GSG1L: variants seen among roughly 807,000 people sequenced by gnomAD.
The protein encoded by GSG1L is GSG1 like, also known as germ cell-specific gene 1-like protein.
In GSG1L, 24 loss-of-function variants were observed where a neutral mutation model predicts 42.1. That is an observed-to-expected ratio of 0.57 (90% CI 0.41 to 0.80). The LOEUF is 0.80. Ranked by LOEUF, GSG1L falls within the 30% of genes least tolerant of loss-of-function variation. GSG1L has a pLI of 0.00. For missense variants in GSG1L, 445 were observed against 472.2 expected, an observed-to-expected ratio of 0.94 and a Z score of 0.53; for synonymous variants, 215 against 203.5, an observed-to-expected ratio of 1.06 and a Z score of -0.48.
intron 2 of GSG1L, among the ~76,000 whole-genome samples, chr16:27,918,618 C>T (rs1029416445): frequency 6.7e-6 from 1 of 149,830 alleles, no homozygotes; most frequent in African/African-American, 2.5e-5. Context: ...AAGATCATGC[C>T]ATTGCACTCC....
chr16:27,939,700 C>A (rs1024354497), intron 2 of GSG1L, among the ~76,000 whole-genome samples: 1 of 152,184 alleles, frequency 6.6e-6, no homozygotes, highest in Non-Finnish European at 1.5e-5. Flanking sequence ...CCCCACTCTC[C>A]CCATATGCCA....
rs553221632 is a variant in GSG1L at position 27,798,236 on chromosome 16, C to T, written c.899-6769G>A. On this transcript the variant is annotated intron_variant, in intron 6 of 6. Coordinates refer to ENST00000447459, the MANE Select transcript of GSG1L (RefSeq NM_001109763.2). ...TCATAGACATTATAAAAATTTGGCT[C>T]ACAGACAAACACCAGGAGAGTGAAA... Among the ~76,000 whole-genome samples, 265 of 152,192 alleles carry T rather than the reference C, an allele frequency of 1.7e-3. 2 individuals are homozygous for T. The highest frequency in any genetic ancestry group is 6.3e-3 in the African/African-American group (260 of 41,520).
intron 6 of GSG1L, among the ~76,000 whole-genome samples, chr16:27,803,810 G>GATAGAT (rs2082918702): frequency 1.5e-5 from 2 of 135,984 alleles, no homozygotes; most frequent in Admixed American, 7.5e-5. Context: ...GATAGATATA[G>GATAGAT]ATATAGATAT....
chr16:27,821,890 C>G (rs9928966), intron 5 of GSG1L, among the ~76,000 whole-genome samples: 266 of 148,314 alleles, frequency 1.8e-3, no homozygotes, highest in African/African-American at 6.2e-3. Flanking sequence ...GGTGACTGAG[C>G]GAGAGTGTCT....
chr16:27,910,956 T>C (rs1032116559), intron 2 of GSG1L, among the ~76,000 whole-genome samples: 1 of 152,148 alleles, frequency 6.6e-6, no homozygotes, highest in African/African-American at 2.4e-5. Flanking sequence ...GAAGCTGCAG[T>C]GAGCCATGAT....
chr16:27,914,956 G>A (rs1479118763), intron 2 of GSG1L, among the ~76,000 whole-genome samples: 14 of 151,996 alleles, frequency 9.2e-5, no homozygotes, highest in South Asian at 8.3e-4. Flanking sequence ...CCTAAACTTC[G>A]GAGCCCTGTG....
chr16:27,928,145 C>T (rs62033483), intron 2 of GSG1L, among the ~76,000 whole-genome samples: 28,057 of 152,178 alleles, frequency 0.18, 3,099 homozygotes, highest in East Asian at 0.32. Context: ...CTAGCATATG[C>T]CCTGTCTGTG....
At chr16:27,969,936 A>G (rs986814085) in intron 1 of GSG1L, among the ~76,000 whole-genome samples, 5 of 152,092 alleles carry the variant, frequency 3.3e-5, no homozygotes, top group Admixed American at 6.6e-5. Flanking sequence ...TGTGGTTTTA[A>G]TTTGCATTTT....
At position 27,908,037 on chromosome 16, in the gene GSG1L, C is replaced by T. The variant is rs180983005; in HGVS notation, c.398-23399G>A. The stretch of plus-strand genomic sequence containing the variant: ...TTATTCACCCTTCCTGTGTCTGTAC[C>T]CTTTTAAAATACTCTCCCACTTCTG... On this transcript the variant is annotated intron_variant, in intron 2 of 6. Transcript: ENST00000447459. Among the ~76,000 whole-genome samples, 27 of 152,288 alleles carry T rather than the reference C, an allele frequency of 1.8e-4. No homozygotes were observed. The East Asian group carries it at 4.8e-3, about 27-fold the overall frequency.
intron 1 of GSG1L, among the ~76,000 whole-genome samples, chr16:28,006,766 G>T (rs965264515): frequency 1.3e-5 from 2 of 152,186 alleles, no homozygotes; most frequent in Admixed American, 1.3e-4. Context: ...CCAGGCAAAT[G>T]GGAGTGGGTG....
intron 1 of GSG1L, among the ~76,000 whole-genome samples, chr16:28,062,457 A>C (rs898940972): frequency 1.3e-5 from 2 of 152,314 alleles, no homozygotes; most frequent in East Asian, 3.9e-4. Context: ...GCCAGGATAC[A>C]GAGGGCTCCC....
chr16:27,802,467 T>C (rs963664014), intron 6 of GSG1L, among the ~76,000 whole-genome samples: 3 of 152,132 alleles, frequency 2.0e-5, no homozygotes, highest in African/African-American at 7.2e-5. Context: ...CCATCCCTGC[T>C]AATGCTCAGC....
At chr16:28,011,108 A>G (rs205370) in intron 1 of GSG1L, among the ~76,000 whole-genome samples, 32,668 of 152,044 alleles carry the variant, frequency 0.21, 3,912 homozygotes, top group South Asian at 0.48. Context: ...AAAGAACCTC[A>G]CCCTGATTTC....
At chr16:28,041,955 A>C (rs1385295360) in intron 1 of GSG1L, among the ~76,000 whole-genome samples, 1 of 152,248 alleles carries the variant, frequency 6.6e-6, no homozygotes, top group East Asian at 1.9e-4. Context: ...CTTGAGCTGC[A>C]AAGTAAAACT....
intron 3 of GSG1L, among the ~76,000 whole-genome samples, chr16:27,872,025 TA>T (rs2083827808): frequency 6.6e-6 from 1 of 152,208 alleles, no homozygotes; most frequent in African/African-American, 2.4e-5. Flanking sequence ...GATACCTCAA[TA>T]AAGCTGTCTA....
intron 2 of GSG1L, among the ~76,000 whole-genome samples, chr16:27,922,558 T>G (rs1034413767): frequency 2.0e-5 from 3 of 152,176 alleles, no homozygotes; most frequent in African/African-American, 7.2e-5. Context: ...CTGTGCCCCC[T>G]CCTCATCTCG....
At chr16:27,864,307 GAT>G (rs1413719439) in intron 3 of GSG1L, among the ~76,000 whole-genome samples, 3 of 152,078 alleles carry the variant, frequency 2.0e-5, no homozygotes, top group African/African-American at 7.3e-5. Flanking sequence ...GTGGAAAAGA[GAT>G]AGTTTCCAAA....
At chr16:27,872,866 A>G (rs777996865) in intron 3 of GSG1L, among the ~76,000 whole-genome samples, 4 of 152,198 alleles carry the variant, frequency 2.6e-5, no homozygotes, top group Non-Finnish European at 4.4e-5. Context: ...CCCCTTTCCC[A>G]GAAAACTCAT....
rs544503455 is a variant in GSG1L, at chr16:27,853,462, G to C, written c.551-8401C>G. Among the ~76,000 whole-genome samples the C allele has an allele frequency of 1.2e-4, 18 of 152,224 alleles. No homozygotes were observed. In the South Asian group the frequency reaches 3.5e-3, roughly 30 times the overall value. On this transcript the variant is annotated intron_variant, in intron 3 of 6. Transcript: ENST00000447459. The stretch of plus-strand genomic sequence containing the variant: ...CCGCTCCAATTTAAGCTAATTTCTT[G>C]CTCTGCCCTCTGAGGACACGGGGAG...
Sources: gnomAD v4.1 joint callset for allele counts (sites outside exome capture counted in the v4.1 genomes callset) on GRCh38, gnomAD v4.1.1 for gene constraint, MANE v1.5 for transcripts, NCBI Gene and HGNC (gene_info 2026-07-23, HGNC 2026-07-21) for gene names.